PSMG4: variants seen among roughly 807,000 people sequenced by gnomAD.
PSMG4 encodes the protein proteasome assembly chaperone 4, also known as proteasome (prosome, macropain) assembly chaperone 4.
A neutral mutation model predicts 11.0 loss-of-function variants in PSMG4; 10 were observed. The ratio of observed to expected loss-of-function variants is 0.91; its 90% confidence interval spans 0.56 to 1.54. The LOEUF (loss-of-function observed/expected upper bound fraction) is 1.54, where lower values mean the gene tolerates loss of function less well. PSMG4 is among the 40% of genes most tolerant of loss of function. The pLI, the probability that PSMG4 is intolerant of heterozygous loss-of-function variation, is 0.00. For missense variants in PSMG4, 198 were observed against 160.9 expected (o/e 1.23, Z -1.25); for synonymous variants, 95 against 71.3 (o/e 1.33, Z -1.68).
At chr6:3,254,476 A>G (rs4997140), upstream of PSMG4, among the ~76,000 whole-genome samples, 108,542 of 151,696 alleles carry the variant, frequency 0.72, 40,725 homozygotes, top group Non-Finnish European at 0.83. Flanking sequence ...TTTTTAGATA[A>G]ATATTGTTGC....
upstream of PSMG4, among the ~76,000 whole-genome samples, chr6:3,254,434 G>A (rs555557042): frequency 8.3e-5 from 11 of 133,330 alleles, no homozygotes; most frequent in East Asian, 1.8e-3. Context: ...ATGGCTTTGT[G>A]CTGTAATAGT....
At chr6:3,254,722 A>C (rs1010699712), upstream of PSMG4, among the ~76,000 whole-genome samples, 1 of 152,176 alleles carries the variant, frequency 6.6e-6, no homozygotes, top group African/African-American at 2.4e-5. Context: ...TGGACACCAG[A>C]AAAAACAAAC....
chr6:3,255,386 G>C (rs1044916008), upstream of PSMG4, among the ~76,000 whole-genome samples: 5 of 152,218 alleles, frequency 3.3e-5, no homozygotes, highest in Non-Finnish European at 7.3e-5. Context: ...TGTTTGTTGA[G>C]TGATAACATG....
intron 1 of PSMG4, among the ~76,000 whole-genome samples, chr6:3,259,863 C>T (rs553192391): frequency 3.3e-5 from 5 of 152,298 alleles, no homozygotes; most frequent in South Asian, 2.1e-4. Context: ...CTTTGCGTGT[C>T]GCCGCCTGGT....
Position 3,267,979 on chromosome 6 carries a change from A to G in PSMG4, c.*267A>G. ...ATTTTTGTTGGGATTGAAGACTGTA[A>G]TCTAAGAGTTTCAATCAGACATGAC... On this transcript the variant is annotated 3_prime_UTR_variant, in exon 3 of 3. Coordinates refer to ENST00000438998, the MANE Select transcript of PSMG4 (RefSeq NM_001128591.2). 2 of 313,988 alleles carry G rather than the reference A, an allele frequency of 6.4e-6. No individual in the cohort carries two copies. The highest frequency in any genetic ancestry group is 1.2e-5 in the Non-Finnish European group (2 of 165,852). 19.5% of individuals were successfully genotyped at this position (313,988 alleles called of 1,614,324 possible). A position where few individuals can be genotyped will look rare whatever the true frequency, so the allele number is the denominator to read the frequency against.
At chr6:3,264,089 C>T (rs1758094554) in intron 2 of PSMG4, 2 of 1,478,890 alleles carry the variant, frequency 1.4e-6, no homozygotes, top group Non-Finnish European at 1.8e-6. Flanking sequence ...GTGCCCACAG[C>T]CCCTGTGGGT....
At chr6:3,257,195 C>T (rs1322415257), upstream of PSMG4, among the ~76,000 whole-genome samples, 1 of 152,142 alleles carries the variant, frequency 6.6e-6, no homozygotes, top group Non-Finnish European at 1.5e-5. Flanking sequence ...TTTGGGTCAG[C>T]TCAGGGTTTG....
upstream of PSMG4, among the ~76,000 whole-genome samples, chr6:3,254,683 C>T (rs184777988): frequency 1.6e-4 from 25 of 152,244 alleles, no homozygotes; most frequent in African/African-American, 5.5e-4. Context: ...AACCACTAAA[C>T]TCAACAGAAA....
At chr6:3,255,350 T>TG, upstream of PSMG4, 3 of 1,452,036 alleles carry the variant, frequency 2.1e-6, no homozygotes, top group African/African-American at 4.3e-5. Flanking sequence ...TCTATGTAGT[T>TG]GCTTAATTTT....
intron 1 of PSMG4, among the ~76,000 whole-genome samples, chr6:3,262,718 C>T (rs1322559399): frequency 6.6e-6 from 1 of 152,064 alleles, no homozygotes; most frequent in African/African-American, 2.4e-5. Flanking sequence ...ATTCTCAGAC[C>T]TCTGTAGCCA....
chr6:3,267,651 T>G lies in PSMG4; in HGVS notation c.311T>G (p.Phe104Cys). The G allele has an allele frequency of 2.6e-6, 4 of 1,552,164 alleles. No homozygotes were observed. The highest frequency in any genetic ancestry group is 3.5e-6 in the Non-Finnish European group (4 of 1,147,034). The change falls in exon 3 of 3, where the codon TTC (phenylalanine) becomes TGC (cysteine). Residue 104 changes from phenylalanine to cysteine, a missense_variant. Physicochemically the swap from Phe to Cys is radical, Grantham distance 205. Coordinates refer to ENST00000438998, the MANE Select transcript of PSMG4 (RefSeq NM_001128591.2). ...AACCTTCAGAACACAGACAGTAACT[T>G]CGCATTACTTGTAGAAAACAGGATC... ...SYNLQNTDSN[F>C]ALLVENRIKE...
At chr6:3,263,970 T>G in intron 2 of PSMG4, 4 of 1,360,024 alleles carry the variant, frequency 2.9e-6, no homozygotes. Flanking sequence ...AGGGCTGGCC[T>G]GTTCCCAAAG....
chr6:3,263,648 G>T, intron 1 of PSMG4, 36 bp from the exon 2 acceptor site: 1 of 1,490,534 alleles, frequency 6.7e-7, no homozygotes. Context: ...TGCGGGGGGT[G>T]GAGAAGCTGC....
At chr6:3,255,489 C>A (rs900428117), upstream of PSMG4, among the ~76,000 whole-genome samples, 1 of 152,274 alleles carries the variant, frequency 6.6e-6, no homozygotes, top group Non-Finnish European at 1.5e-5. Context: ...CCCAAAGGTA[C>A]CTAAACTGCC....
upstream of PSMG4, among the ~76,000 whole-genome samples, chr6:3,257,280 T>C (rs1757796908): frequency 6.6e-6 from 1 of 152,140 alleles, no homozygotes; most frequent in Non-Finnish European, 1.5e-5. Context: ...CCGCTGATGT[T>C]GGGCATGACT....
At chr6:3,255,266 G>C (rs1227266613), upstream of PSMG4, 1 of 1,545,578 alleles carries the variant, frequency 6.5e-7, no homozygotes, top group South Asian at 1.2e-5. Context: ...GTGTTACCAC[G>C]GCTGTCTTAC....
chr6:3,267,609 A>G lies in PSMG4; in HGVS notation c.269A>G (p.Gln90Arg). 1 of 1,551,860 alleles carries G rather than the reference A, an allele frequency of 6.4e-7. No individual in the cohort carries two copies. Among genetic ancestry groups the G allele is most frequent in the South Asian group, 1.2e-5 (1 of 84,044 alleles). The change falls in exon 3 of 3, where the codon CAG becomes CGG. Residue 90 changes from glutamine (Q) to arginine (R), a missense_variant. Gln to Arg is a conservative substitution (Grantham distance 43). Transcript: ENST00000438998. Reference protein sequence around the residue: ...AQRLARKTNKQVFVSYNLQNT... With the variant: ...AQRLARKTNKRVFVSYNLQNT... ...TTTTTAGCCAGGAAGACCAACAAAC[A>G]GGTGTTTGTCAGCTATAACCTTCAG...
upstream of PSMG4, among the ~76,000 whole-genome samples, chr6:3,255,507 G>T (rs1004666363): frequency 6.6e-6 from 1 of 152,150 alleles, no homozygotes; most frequent in African/African-American, 2.4e-5. Context: ...GCCTGGCCAG[G>T]TCATTCCCCA....
At chr6:3,255,754 C>G (rs1581541455), upstream of PSMG4, among the ~76,000 whole-genome samples, 1 of 152,194 alleles carries the variant, frequency 6.6e-6, no homozygotes, top group African/African-American at 2.4e-5. Context: ...GCAAATGCAC[C>G]AATGTGATAT....
Sources: gnomAD v4.1 joint callset for allele counts (sites outside exome capture counted in the v4.1 genomes callset) on GRCh38, gnomAD v4.1.1 for gene constraint, MANE v1.5 for transcripts, NCBI Gene and HGNC (gene_info 2026-07-23, HGNC 2026-07-21) for gene names.